The following KCNU1 variants were observed in gnomAD, a reference collection of about 807,000 sequenced individuals.
KCNU1 encodes potassium channel subfamily U member 1.
A neutral mutation model predicts 126.8 loss-of-function variants in KCNU1; 93 were observed. The observed-to-expected ratio is 0.73, with a 90% confidence interval of 0.62 to 0.87. The LOEUF (loss-of-function observed/expected upper bound fraction) is 0.87. KCNU1 is among the 40% of genes least tolerant of loss of function. The probability of loss-of-function intolerance (pLI) is 0.00; values close to 1 mark genes in which losing one functional copy is unlikely to be tolerated. For synonymous variants in KCNU1, 523 were observed against 494.2 expected, an observed-to-expected ratio of 1.06 and a Z score of -0.77; for missense variants, 1,330 against 1,367.1, an observed-to-expected ratio of 0.97 and a Z score of 0.43.
intron 21 of KCNU1, among the ~76,000 whole-genome samples, chr8:36,909,814 T>C (rs1472617036): frequency 6.6e-6 from 1 of 152,214 alleles, no homozygotes; most frequent in Non-Finnish European, 1.5e-5. Flanking sequence ...ATGTTGTGGC[T>C]CTTGAGTTAA....
At chr8:36,787,285 A>ATTTC in intron 1 of KCNU1, 21 bp from the exon 2 acceptor site, 1 of 1,593,074 alleles carries the variant, frequency 6.3e-7, no homozygotes, top group Non-Finnish European at 8.6e-7. Flanking sequence ...CACATTGTCA[A>ATTTC]TTTCTTTCTC....
chr8:36,837,923 T>G (rs1337782364), intron 14 of KCNU1, among the ~76,000 whole-genome samples: 5 of 152,194 alleles, frequency 3.3e-5, no homozygotes, highest in Admixed American at 1.3e-4. Flanking sequence ...TTCTCTTTTT[T>G]CTGTGTTCAG....
intron 6 of KCNU1, among the ~76,000 whole-genome samples, 173 bp from the exon 7 acceptor site, chr8:36,808,545 G>A (rs1111122): frequency 6.6e-6 from 1 of 152,140 alleles, no homozygotes; most frequent in Non-Finnish European, 1.5e-5. Flanking sequence ...TACCAATGCA[G>A]ATTGGGAGAT....
At chr8:36,900,228 G>A (rs1807360810) in intron 19 of KCNU1, among the ~76,000 whole-genome samples, 1 of 152,154 alleles carries the variant, frequency 6.6e-6, no homozygotes, top group Non-Finnish European at 1.5e-5. Flanking sequence ...TTCTAACAGG[G>A]AGGGTGAATT....
chr8:36,814,340 G>C lies in KCNU1; in HGVS notation c.866G>C (p.Gly289Ala). ...GATGTGGTAGCCAAGACATCCTTAGGACGGACCTTCATCATGTTCTTCACA... is the reference window on the plus strand; with the variant it reads ...GATGTGGTAGCCAAGACATCCTTAGCACGGACCTTCATCATGTTCTTCACA... ...FGDVVAKTSL[G>A]RTFIMFFTLG... Residue 289 changes from glycine (G) to alanine (A), a missense_variant, in exon 8 of 27, where the codon GGA (glycine) becomes GCA (alanine). This residue lies in a region of KCNU1 where 1,054 missense variants were observed against 1,053.9 expected (regional missense o/e 1.00). Transcript: ENST00000399881. 6.2e-7 allele frequency: 1 copy of C among 1,612,692 alleles called. No homozygotes were observed. Among genetic ancestry groups the C allele is most frequent in the Non-Finnish European group, 8.5e-7 (1 of 1,179,208 alleles).
Position 36,804,053 on chromosome 8 carries a change from TG to T in KCNU1, c.345del (p.Ser116LeufsTer3). ...TGATCCTTGTCTTTGTACTAAGCAT[TG>T]GGTCTCTTATAATCTATTTCATCAA... ...LVILVFVLSI[G>X]SLIIYFINSA... is the part of the protein sequence containing the mutation. On this transcript the variant is annotated frameshift_variant, in exon 3 of 27. Transcript: ENST00000399881. LOFTEE classifies it high-confidence loss of function. 6.4e-7 allele frequency: 1 copy of T among 1,560,196 alleles called. No homozygotes were observed. The highest frequency in any genetic ancestry group is 1.2e-5 in the South Asian group (1 of 85,112).
At chr8:36,857,294 A>C (rs923947283) in intron 18 of KCNU1, among the ~76,000 whole-genome samples, 2 of 152,210 alleles carry the variant, frequency 1.3e-5, no homozygotes, top group African/African-American at 4.8e-5. Flanking sequence ...AGAGCTGTGA[A>C]GAGTAAGACA....
At chr8:36,835,078 G>C (rs1804697144) in intron 12 of KCNU1, among the ~76,000 whole-genome samples, 1 of 152,160 alleles carries the variant, frequency 6.6e-6, no homozygotes, top group African/African-American at 2.4e-5. Context: ...GAGTGTGAAT[G>C]TGCTTCTCCA....
At chr8:36,788,966 CTTATT>C (rs1802807314) in intron 2 of KCNU1, among the ~76,000 whole-genome samples, 1 of 152,108 alleles carries the variant, frequency 6.6e-6, no homozygotes, top group African/African-American at 2.4e-5. Flanking sequence ...ATAAAAATGA[CTTATT>C]TAATGAAGGG....
rs1585366351 is a variant in KCNU1, at chr8:36,784,416, T to A, written c.6T>A (p.Phe2Leu). Residue 2 changes from phenylalanine to leucine, a missense_variant, in exon 1 of 27, where the codon TTT becomes TTA. Physicochemically the swap from Phe to Leu is conservative, Grantham distance 22. This residue lies in a region of KCNU1 where 247 missense variants were observed against 255.4 expected (regional missense o/e 0.97). Transcript: ENST00000399881. ...CGTCTACTGATGTCTCGAACATGTT[T>A]CAGACTAAGCTACGAAATGAAACTT... M[F>L]QTKLRNETWE... The A allele has an allele frequency of 6.2e-7, 1 of 1,611,606 alleles. No homozygotes were observed. The highest frequency in any genetic ancestry group is 2.2e-5 in the East Asian group (1 of 44,860).
intron 6 of KCNU1, among the ~76,000 whole-genome samples, chr8:36,808,029 C>A (rs1431137163): frequency 6.6e-6 from 1 of 152,110 alleles, no homozygotes; most frequent in Non-Finnish European, 1.5e-5. Flanking sequence ...ATCTCCATGC[C>A]TTGACAGTCA....
chr8:36,797,114 C>T (rs546756234), intron 2 of KCNU1, among the ~76,000 whole-genome samples: 6 of 152,200 alleles, frequency 3.9e-5, no homozygotes, highest in African/African-American at 7.2e-5. Context: ...CAAACACTCG[C>T]GCCTCCACTT....
At chr8:36,789,194 A>C (rs1382119802) in intron 2 of KCNU1, among the ~76,000 whole-genome samples, 1 of 152,074 alleles carries the variant, frequency 6.6e-6, no homozygotes, top group Non-Finnish European at 1.5e-5. Context: ...CACCTCTACA[A>C]ATAATTTAAA....
At chr8:36,934,563 G>GA (rs748191757) in intron 26 of KCNU1, among the ~76,000 whole-genome samples, 21 of 152,102 alleles carry the variant, frequency 1.4e-4, no homozygotes, top group Non-Finnish European at 2.4e-4. Flanking sequence ...GATCTCAGGG[G>GA]AAAAATTGAT....
chr8:36,853,234 C>T (rs749326661), intron 18 of KCNU1, among the ~76,000 whole-genome samples: 15 of 152,228 alleles, frequency 9.9e-5, no homozygotes, highest in African/African-American at 2.2e-4. Context: ...CTTGTAGTCC[C>T]GGCTACTCGG....
chr8:36,802,465 T>A (rs983498343), intron 2 of KCNU1, among the ~76,000 whole-genome samples: 5 of 152,152 alleles, frequency 3.3e-5, no homozygotes, highest in Admixed American at 1.3e-4. Context: ...ACCCAGGACA[T>A]AATCTGTCCC....
intron 2 of KCNU1, among the ~76,000 whole-genome samples, chr8:36,794,955 C>A (rs72631186): frequency 0.27 from 41,399 of 151,568 alleles, 7,041 homozygotes; most frequent in African/African-American, 0.46. Context: ...CAAAACAAAA[C>A]AAAAACATAA....
intron 13 of KCNU1, 150 bp downstream of exon 13, chr8:36,836,515 A>G (rs1804754917): frequency 1.6e-6 from 1 of 626,520 alleles, no homozygotes; most frequent in Non-Finnish European, 2.8e-6. Flanking sequence ...TCACTTAACA[A>G]TGTAAATTGG....
chr8:36,807,304 T>A, intron 5 of KCNU1, 71 bp from the exon 6 acceptor site: 10 of 986,888 alleles, frequency 1.0e-5, no homozygotes, highest in Non-Finnish European at 1.6e-5. Context: ...ATTCCAATGC[T>A]GTTATAACGT....
Sources: gnomAD v4.1 joint callset for allele counts (sites outside exome capture counted in the v4.1 genomes callset) on GRCh38, gnomAD v4.1.1 for gene constraint, gnomAD v4.1.1 regional missense constraint, MANE v1.5 for transcripts, NCBI Gene and HGNC (gene_info 2026-07-23, HGNC 2026-07-21) for gene names.